Variants in FGGY observed in about 807,000 individuals in gnomAD.
The protein encoded by FGGY is FGGY carbohydrate kinase domain containing.
Under a neutral mutation model 71.3 loss-of-function variants are expected in FGGY, and 72 were observed. The observed-to-expected ratio is 1.01, with a 90% CI of 0.84 to 1.23. The LOEUF (loss-of-function observed/expected upper bound fraction) is 1.23, where lower values mean the gene tolerates loss of function less well. Ranked by LOEUF, FGGY falls within the 50% of genes most tolerant of loss-of-function variation. The pLI, the probability that FGGY is intolerant of heterozygous loss-of-function variation, is 0.00. For synonymous variants in FGGY, 251 were observed against 250.3 expected (o/e 1.00, Z -0.02); for missense variants, 668 against 682.3 (o/e 0.98, Z 0.23).
chr1:59,417,668 G>T (rs2064704579), intron 5 of FGGY, among the ~76,000 whole-genome samples: 1 of 152,108 alleles, frequency 6.6e-6, no homozygotes, highest in Non-Finnish European at 1.5e-5. Flanking sequence ...GTATCTCATT[G>T]TGGTTTTGGT....
intron 14 of FGGY, among the ~76,000 whole-genome samples, chr1:59,689,709 C>A (rs1393333514): frequency 6.6e-6 from 1 of 152,162 alleles, no homozygotes; most frequent in African/African-American, 2.4e-5. Flanking sequence ...AGGGAATACT[C>A]TTTAAATGCC....
chr1:59,499,725 A>C (rs889022709), intron 6 of FGGY, among the ~76,000 whole-genome samples: 1 of 152,196 alleles, frequency 6.6e-6, no homozygotes, highest in East Asian at 1.9e-4. Flanking sequence ...AAAGAACCTA[A>C]CATCTTATTA....
chr1:59,587,970 A>G (rs1234104117), intron 8 of FGGY, among the ~76,000 whole-genome samples: 1 of 152,228 alleles, frequency 6.6e-6, no homozygotes, highest in Non-Finnish European at 1.5e-5. Context: ...GAGTTGAGAG[A>G]AGGCTTCAGA....
At chr1:59,637,745 T>A (rs569959506) in intron 10 of FGGY, among the ~76,000 whole-genome samples, 4 of 152,222 alleles carry the variant, frequency 2.6e-5, no homozygotes, top group Non-Finnish European at 4.4e-5. Flanking sequence ...TGGGAACTTA[T>A]AATTTCTCTC....
At chr1:59,676,810 G>A (rs945539953) in intron 14 of FGGY, among the ~76,000 whole-genome samples, 29 of 152,102 alleles carry the variant, frequency 1.9e-4, no homozygotes, top group African/African-American at 6.8e-4. Flanking sequence ...CTAGTAAAGG[G>A]AGCCACCAGC....
intron 5 of FGGY, among the ~76,000 whole-genome samples, chr1:59,399,928 A>G (rs1351005160): frequency 6.6e-6 from 1 of 152,216 alleles, no homozygotes; most frequent in East Asian, 1.9e-4. Context: ...AATGTTCAAA[A>G]TCGTGGATGG....
chr1:59,298,538 G>C (rs957477767), intron 1 of FGGY, among the ~76,000 whole-genome samples: 4 of 152,210 alleles, frequency 2.6e-5, no homozygotes, highest in African/African-American at 9.6e-5. Flanking sequence ...GTTAGTTTTT[G>C]TTGTGGGCCT....
intron 9 of FGGY, among the ~76,000 whole-genome samples, chr1:59,613,515 T>G (rs2096714321): frequency 6.6e-6 from 1 of 152,150 alleles, no homozygotes; most frequent in Admixed American, 6.6e-5. Flanking sequence ...GAGGGAAATT[T>G]ATAGCACTAA....
Position 59,604,218 on chromosome 1 carries a change from A to C in FGGY, c.904-3585A>C, listed in dbSNP as rs552026014. Among the ~76,000 whole-genome samples the C allele has an allele frequency of 2.0e-5, 3 of 152,378 alleles. No individual in the cohort carries two copies. The South Asian group carries it at 6.2e-4, about 32-fold the overall frequency. The stretch of plus-strand genomic sequence containing the variant: ...CAGTCTCCAGGCCAAGACAGCCATC[A>C]GCATGGAAGGGGCTTTCACAAAAAG... On this transcript the variant is annotated intron_variant, in intron 8 of 15. Coordinates refer to ENST00000303721, the MANE Select transcript of FGGY (RefSeq NM_018291.5).
At chr1:59,471,702 C>T (rs2092949280) in intron 6 of FGGY, among the ~76,000 whole-genome samples, 1 of 152,190 alleles carries the variant, frequency 6.6e-6, no homozygotes, top group Admixed American at 6.5e-5. Context: ...CTCCTGTGTG[C>T]CAGGTGCTGG....
At chr1:59,549,358 T>G (rs1448545663) in intron 7 of FGGY, among the ~76,000 whole-genome samples, 1 of 152,224 alleles carries the variant, frequency 6.6e-6, no homozygotes, top group Non-Finnish European at 1.5e-5. Flanking sequence ...CTTCTTATCC[T>G]TTTTGATACT....
intron 4 of FGGY, among the ~76,000 whole-genome samples, chr1:59,378,306 C>G (rs759395131): frequency 6.6e-6 from 1 of 151,968 alleles, no homozygotes; most frequent in Non-Finnish European, 1.5e-5. Flanking sequence ...GTAAGTCTCA[C>G]AAGATCTGAT....
chr1:59,667,040 G>C (rs901598582), intron 12 of FGGY, among the ~76,000 whole-genome samples: 2 of 152,190 alleles, frequency 1.3e-5, no homozygotes, highest in Non-Finnish European at 2.9e-5. Context: ...TGTAACTACT[G>C]ATAGAAGCAA....
Position 59,535,001 on chromosome 1 carries a change from T to C in FGGY, c.800-19123T>C, listed in dbSNP as rs1378178067. 1.9e-4 allele frequency among the ~76,000 whole-genome samples: 29 copies of C among 151,216 alleles called. 1 individual carries two copies. The highest frequency in any genetic ancestry group is 1.5e-5 in the Non-Finnish European group (1 of 67,438). On this transcript the variant is annotated intron_variant, in intron 7 of 15. Transcript: ENST00000303721. ...TAACAATATTAACTTTAAATGTAAA[T>C]GGACTAAATGCTCCAATTAAAAGAC...
chr1:59,337,793 C>A (rs894149392), intron 2 of FGGY, among the ~76,000 whole-genome samples: 1 of 152,150 alleles, frequency 6.6e-6, no homozygotes, highest in South Asian at 2.1e-4. Context: ...CATATGAGAT[C>A]ATGTCATCTG....
chr1:59,641,196 T>G (rs1431046710), intron 11 of FGGY: 14 of 1,061,372 alleles, frequency 1.3e-5, no homozygotes, highest in Non-Finnish European at 2.0e-5. Flanking sequence ...TTTTGGCTCC[T>G]TGTATCATTG....
intron 7 of FGGY, among the ~76,000 whole-genome samples, chr1:59,551,710 C>A (rs1407098638): frequency 6.6e-6 from 1 of 152,004 alleles, no homozygotes; most frequent in Non-Finnish European, 1.5e-5. Flanking sequence ...AGCTGCATGA[C>A]CCTGGTGAAG....
intron 11 of FGGY, among the ~76,000 whole-genome samples, chr1:59,654,873 G>A (rs1288549458): frequency 6.6e-6 from 1 of 152,200 alleles, no homozygotes; most frequent in African/African-American, 2.4e-5. Flanking sequence ...GTGAAGTCCA[G>A]GGTGGACAGT....
At chr1:59,374,527 C>T (rs1373890966) in intron 4 of FGGY, among the ~76,000 whole-genome samples, 1 of 152,024 alleles carries the variant, frequency 6.6e-6, no homozygotes, top group East Asian at 1.9e-4. Context: ...CTAGAAATAC[C>T]ATTTGACCCA....
Sources: gnomAD v4.1 joint callset for allele counts (sites outside exome capture counted in the v4.1 genomes callset) on GRCh38, gnomAD v4.1.1 for gene constraint, MANE v1.5 for transcripts, NCBI Gene and HGNC (gene_info 2026-07-23, HGNC 2026-07-21) for gene names.